DRG1: variants seen among roughly 807,000 people sequenced by gnomAD.
The protein encoded by DRG1 is developmentally-regulated GTP-binding protein 1.
In DRG1, 19 loss-of-function variants were observed where a neutral mutation model predicts 38.8. That is an observed-to-expected ratio of 0.49 (90% CI 0.34 to 0.72). DRG1 has a LOEUF of 0.72. DRG1 is among the 30% of genes least tolerant of loss of function. The pLI is 0.01. For synonymous variants in DRG1, 167 were observed against 157.5 expected (o/e 1.06, Z -0.45); for missense variants, 299 against 444.8 (o/e 0.67, Z 2.95).
At chr22:31,400,951 A>T (rs1452724037) in intron 2 of DRG1, among the ~76,000 whole-genome samples, 1 of 151,246 alleles carries the variant, frequency 6.6e-6, no homozygotes. Context: ...CTCAAAAAAA[A>T]AAAAAAGTTT....
At chr22:31,402,742 T>C (rs1161946543) in intron 2 of DRG1, among the ~76,000 whole-genome samples, 1 of 152,142 alleles carries the variant, frequency 6.6e-6, no homozygotes, top group Non-Finnish European at 1.5e-5. Flanking sequence ...ATTCTTGGAC[T>C]CAAGAGATCC....
At chr22:31,406,676 GAAAA>G (rs763887549) in intron 3 of DRG1, among the ~76,000 whole-genome samples, 1 of 136,122 alleles carries the variant, frequency 7.3e-6, no homozygotes, top group Non-Finnish European at 1.6e-5. Context: ...CCCTGTCCCG[GAAAA>G]AAAAAAAAAA....
chr22:31,399,634 C>A lies in DRG1; in HGVS notation c.-50C>A, dbSNP rs199760860. 6.2e-7 allele frequency: 1 copy of A among 1,613,646 alleles called. No homozygotes were observed. The highest frequency in any genetic ancestry group is 8.5e-7 in the Non-Finnish European group (1 of 1,179,572). On this transcript the variant is annotated 5_prime_UTR_variant, in exon 1 of 9. Transcript: ENST00000331457. ...CGCCTGGTGGCGGTGGCAGTTTGCC[C>A]GCGGGTGTGTGAAGGGAGACAGTGT...
intron 8 of DRG1, among the ~76,000 whole-genome samples, chr22:31,431,906 T>C (rs1036180556): frequency 1.3e-5 from 2 of 152,166 alleles, no homozygotes; most frequent in Admixed American, 1.3e-4. Flanking sequence ...TATATAGCTC[T>C]TTCCTTCTAT....
intron 5 of DRG1, among the ~76,000 whole-genome samples, 176 bp downstream of exon 5, chr22:31,420,601 G>A (rs752068607): frequency 6.6e-6 from 1 of 152,194 alleles, no homozygotes; most frequent in Non-Finnish European, 1.5e-5. Context: ...ATAGGAGCCA[G>A]TCTCAGACTT....
rs914920726 is a variant in DRG1, at chr22:31,402,972, G to C, written c.167-57G>C. 3 of 1,529,372 alleles carry C rather than the reference G, an allele frequency of 2.0e-6. No homozygotes were observed. In the African/African-American group the frequency reaches 4.1e-5, roughly 21 times the overall value. The allele number at this position is 1,529,372 out of a possible 1,614,324, so 94.7% of individuals were successfully genotyped here. ...AGTAAAAATGTGAAAGAAGTTATAT[G>C]AGTCTTAACACTCTGGGGGATAACT... On this transcript the variant is annotated intron_variant, in intron 2 of 8. Coordinates refer to ENST00000331457, the MANE Select transcript of DRG1 (RefSeq NM_004147.4).
intron 6 of DRG1, 59 bp downstream of exon 6, chr22:31,423,469 G>C (rs919439631): frequency 4.0e-6 from 6 of 1,510,028 alleles, no homozygotes; most frequent in Non-Finnish European, 5.4e-6. Flanking sequence ...GATGGAAACA[G>C]TATTGGATCT....
intron 6 of DRG1, among the ~76,000 whole-genome samples, chr22:31,425,183 T>G (rs1265924725): frequency 6.6e-6 from 1 of 152,084 alleles, no homozygotes; most frequent in African/African-American, 2.4e-5. Flanking sequence ...GATGGTCATA[T>G]TCCCCATTTC....
intron 5 of DRG1, among the ~76,000 whole-genome samples, chr22:31,421,906 A>G (rs1249717652): frequency 3.3e-5 from 5 of 151,990 alleles, no homozygotes; most frequent in African/African-American, 1.2e-4. Context: ...CACAAGGTCA[A>G]GAGATGGAGA....
intron 2 of DRG1, among the ~76,000 whole-genome samples, chr22:31,402,505 CTTT>C (rs66506650): frequency 3.8e-5 from 4 of 104,730 alleles, no homozygotes; most frequent in Middle Eastern, 6.1e-3. Flanking sequence ...TGGGCTGTAC[CTTT>C]TTTTTTTTTT....
intron 4 of DRG1, among the ~76,000 whole-genome samples, chr22:31,415,733 A>G (rs1434053778): frequency 6.6e-6 from 1 of 152,140 alleles, no homozygotes; most frequent in Non-Finnish European, 1.5e-5. Context: ...GGTCTTAGAT[A>G]TAGTCTCCTG....
intron 4 of DRG1, among the ~76,000 whole-genome samples, chr22:31,419,062 G>T (rs551862375): frequency 6.6e-6 from 1 of 152,082 alleles, no homozygotes; most frequent in Non-Finnish European, 1.5e-5. Flanking sequence ...TGATCTTCTC[G>T]CTTCAGCCTC....
At chr22:31,400,822 C>A in intron 2 of DRG1, 79 bp downstream of exon 2, 1 of 1,491,780 alleles carries the variant, frequency 6.7e-7, no homozygotes, top group South Asian at 1.2e-5. Context: ...TTAAAAATAA[C>A]TAAAGATGGC....
chr22:31,400,281 C>T (rs747713882), intron 1 of DRG1, among the ~76,000 whole-genome samples: 2 of 151,826 alleles, frequency 1.3e-5, no homozygotes, highest in African/African-American at 2.4e-5. Flanking sequence ...GATTCCATTG[C>T]GTGCGGCCCT....
intron 2 of DRG1, 61 bp downstream of exon 2, chr22:31,400,804 C>T (rs1008480319): frequency 2.1e-5 from 32 of 1,555,386 alleles, no homozygotes; most frequent in Non-Finnish European, 2.7e-5. Context: ...ATAGTACATA[C>T]ATGTGGTTTA....
At chr22:31,408,134 C>CTTTT (rs1206312150) in intron 3 of DRG1, among the ~76,000 whole-genome samples, 1 of 38,302 alleles carries the variant, frequency 2.6e-5, no homozygotes, top group African/African-American at 1.0e-4. Context: ...TTTTTTCCTT[C>CTTTT]TTTTTTTTTT....
At chr22:31,429,957 G>T (rs2050130349) in intron 8 of DRG1, among the ~76,000 whole-genome samples, 1 of 152,066 alleles carries the variant, frequency 6.6e-6, no homozygotes, top group African/African-American at 2.4e-5. Context: ...TGTAGAGATG[G>T]GGTCTTGCAA....
intron 4 of DRG1, among the ~76,000 whole-genome samples, chr22:31,416,899 C>G (rs1390053258): frequency 7.8e-6 from 1 of 127,402 alleles, no homozygotes; most frequent in Non-Finnish European, 1.7e-5. Flanking sequence ...GATTCTGTCT[C>G]AAAAAAAAAA....
intron 3 of DRG1, among the ~76,000 whole-genome samples, chr22:31,409,937 G>A (rs984277523): frequency 1.3e-5 from 2 of 152,184 alleles, no homozygotes; most frequent in Non-Finnish European, 2.9e-5. Flanking sequence ...AGAGGTTGCA[G>A]TGAGCCGAGA....
Sources: gnomAD v4.1 joint callset for allele counts (sites outside exome capture counted in the v4.1 genomes callset) on GRCh38, gnomAD v4.1.1 for gene constraint, MANE v1.5 for transcripts, NCBI Gene and HGNC (gene_info 2026-07-23, HGNC 2026-07-21) for gene names.